Variants in DIAPH2 observed in about 807,000 individuals in gnomAD.
The protein encoded by DIAPH2 is diaphanous related formin 2.
In DIAPH2, 35 loss-of-function variants were observed where a neutral mutation model predicts 92.7. The ratio of observed to expected loss-of-function variants is 0.38; its 90% confidence interval spans 0.29 to 0.50. DIAPH2 has a LOEUF of 0.50. Among genes scored for constraint, DIAPH2 ranks in the 20% least tolerant of loss-of-function variants. The pLI, the probability that DIAPH2 is intolerant of heterozygous loss-of-function variation, is 0.94. For synonymous variants in DIAPH2, 301 were observed against 280.4 expected, an observed-to-expected ratio of 1.07 and a Z score of -0.73; for missense variants, 701 against 819.5, an observed-to-expected ratio of 0.86 and a Z score of 1.77.
intron 16 of DIAPH2, 95 bp from the exon 17 acceptor site, chrX:96,964,998 A>G (rs1285519330): frequency 3.3e-6 from 3 of 921,095 alleles, no homozygotes; most frequent in Non-Finnish European, 4.3e-6. Context: ...AGAGGAATAA[A>G]GGAACTGTCA....
intron 5 of DIAPH2, among the ~76,000 whole-genome samples, chrX:96,910,379 T>G (rs756322403): frequency 1.1e-4 from 12 of 111,407 alleles, no homozygotes; most frequent in Admixed American, 1.9e-4. Flanking sequence ...AGCTTCTATG[T>G]ATATTGTGGA....
intron 9 of DIAPH2, among the ~76,000 whole-genome samples, chrX:96,925,100 A>G (rs2065571552): frequency 9.0e-6 from 1 of 110,799 alleles, no homozygotes; most frequent in Middle Eastern, 4.7e-3. Context: ...AATCGCATCT[A>G]TCCTCACAGC....
At position 97,404,139 on chromosome X, in the gene DIAPH2, C is replaced by T. The variant is rs2069785699; in HGVS notation, c.3145+20095C>T. Among the ~76,000 whole-genome samples, 3 of 111,677 alleles carry T rather than the reference C, an allele frequency of 2.7e-5. No individual in the cohort carries two copies. The South Asian group carries it at 1.1e-3, about 42-fold the overall frequency. On this transcript the variant is annotated intron_variant, in intron 25 of 26. Coordinates refer to ENST00000324765, the MANE Select transcript of DIAPH2 (RefSeq NM_006729.5). ...AAGTGCTGGGATTACAGGCATGAGCCACCACGCCTGGCCTCAGATAATCCC... is the reference window on the plus strand; with the variant it reads ...AAGTGCTGGGATTACAGGCATGAGCTACCACGCCTGGCCTCAGATAATCCC...
chrX:96,995,227 G>A (rs1003175756), intron 17 of DIAPH2, among the ~76,000 whole-genome samples: 10 of 112,031 alleles, frequency 8.9e-5, no homozygotes, highest in African/African-American at 3.2e-4. Flanking sequence ...TATCAAGAAT[G>A]TTATTGATCT....
intron 23 of DIAPH2, 88 bp downstream of exon 23, chrX:97,247,927 T>C: frequency 1.5e-5 from 13 of 855,637 alleles, no homozygotes; most frequent in Non-Finnish European, 2.1e-5. Flanking sequence ...CTAGATTTAC[T>C]AGTCTTTTCA....
chrX:97,197,151 G>A (rs1602410394), intron 22 of DIAPH2, among the ~76,000 whole-genome samples: 1 of 111,636 alleles, frequency 9.0e-6, no homozygotes, highest in African/African-American at 3.3e-5. Flanking sequence ...ACAAGTGAAG[G>A]CCAGTTCTTG....
chrX:96,792,788 T>C (rs1172971237), intron 4 of DIAPH2, among the ~76,000 whole-genome samples: 1 of 112,148 alleles, frequency 8.9e-6, no homozygotes, highest in Non-Finnish European at 1.9e-5. Flanking sequence ...TATAAAAGCA[T>C]AATTTCAATA....
At chrX:97,208,581 C>T (rs1020200525) in intron 22 of DIAPH2, among the ~76,000 whole-genome samples, 2 of 111,664 alleles carry the variant, frequency 1.8e-5, no homozygotes, top group East Asian at 2.8e-4. Flanking sequence ...TGACAAAATC[C>T]TATATAAATT....
At chrX:97,483,693 C>T (rs921146022) in intron 26 of DIAPH2, among the ~76,000 whole-genome samples, 2 of 111,725 alleles carry the variant, frequency 1.8e-5, no homozygotes, top group African/African-American at 6.5e-5. Flanking sequence ...TAGCTAGCTG[C>T]CTCTACTTAT....
chrX:96,901,532 G>GTTTTTTTTTTTTTTTTTTTTTTTTT (rs369526046), intron 5 of DIAPH2, among the ~76,000 whole-genome samples: 6 of 33,097 alleles, frequency 1.8e-4, no homozygotes, highest in African/African-American at 3.1e-4. Flanking sequence ...TTTTCTTTCT[G>GTTTTTTTTTTTTTTTTTTTTTTTTT]TTTTTTTTTT....
At chrX:97,482,891 C>T (rs2070661155) in intron 26 of DIAPH2, among the ~76,000 whole-genome samples, 1 of 111,078 alleles carries the variant, frequency 9.0e-6, no homozygotes, top group Non-Finnish European at 1.9e-5. Context: ...GGCATGTGGC[C>T]CAGTTTTTAA....
rs867239512 is a variant in DIAPH2 at position 96,817,190 on chromosome X, G to T, written c.447+58932G>T. Among the ~76,000 whole-genome samples, 4 of 112,016 alleles carry T rather than the reference G, an allele frequency of 3.6e-5. No homozygotes were observed. The Middle Eastern group carries it at 0.014, about 391-fold the overall frequency. ...GGCTATAGTAAAAAATAATTTAATT[G>T]TACATTTTAAAATAACTAAACTAAC... On this transcript the variant is annotated intron_variant, in intron 4 of 26. Transcript: ENST00000324765.
intron 23 of DIAPH2, among the ~76,000 whole-genome samples, chrX:97,298,865 G>A (rs904972273): frequency 3.6e-5 from 4 of 110,465 alleles, no homozygotes; most frequent in East Asian, 2.9e-4. Flanking sequence ...TGATCCGCCC[G>A]CCTCCGCCTC....
chrX:96,882,976 A>AAAAAC (rs1556277533), intron 5 of DIAPH2, among the ~76,000 whole-genome samples: 5 of 52,014 alleles, frequency 9.6e-5, no homozygotes, highest in East Asian at 1.1e-3. Context: ...AAAAAAAAAA[A>AAAAAC]AAAAAAACAA....
At chrX:96,962,312 C>CATATATATATATACATATATATATACAT (rs371657905) in intron 16 of DIAPH2, among the ~76,000 whole-genome samples, 2 of 59,532 alleles carry the variant, frequency 3.4e-5, no homozygotes, top group African/African-American at 1.6e-4. Flanking sequence ...TATATATATA[C>CATATATATATATACATATATATATACAT]ATATATATAT....
chrX:97,092,331 C>T (rs1181465576), intron 19 of DIAPH2, among the ~76,000 whole-genome samples: 3 of 112,647 alleles, frequency 2.7e-5, no homozygotes, highest in Non-Finnish European at 5.6e-5. Context: ...TTGCTGGAAG[C>T]AGAAGTCTAT....
intron 19 of DIAPH2, among the ~76,000 whole-genome samples, chrX:97,080,662 T>A (rs893310935): frequency 3.3e-4 from 37 of 111,638 alleles, no homozygotes; most frequent in African/African-American, 1.2e-3. Flanking sequence ...ACCGACAGAA[T>A]AATCAGAATG....
chrX:97,548,258 G>T (rs565903191), intron 26 of DIAPH2, among the ~76,000 whole-genome samples: 213 of 111,684 alleles, frequency 1.9e-3, no homozygotes, highest in African/African-American at 6.7e-3. Context: ...ATTTTTGGTC[G>T]ATGCACAATT....
intron 3 of DIAPH2, among the ~76,000 whole-genome samples, chrX:96,754,370 AAAT>A (rs762522723): frequency 3.6e-5 from 4 of 112,199 alleles, no homozygotes; most frequent in Non-Finnish European, 7.5e-5. Flanking sequence ...AGTGCTTTAT[AAAT>A]AATATGTAAT....
Sources: gnomAD v4.1 joint callset for allele counts (sites outside exome capture counted in the v4.1 genomes callset) on GRCh38, gnomAD v4.1.1 for gene constraint, MANE v1.5 for transcripts, NCBI Gene and HGNC (gene_info 2026-07-23, HGNC 2026-07-21) for gene names.